Variants in MTM1 observed in about 807,000 individuals in gnomAD.
The protein encoded by MTM1 is myotubularin 1, also known as myotubularin.
A neutral mutation model predicts 52.1 loss-of-function variants in MTM1; 9 were observed. That is an observed-to-expected ratio of 0.17 (90% CI 0.10 to 0.30). The LOEUF is 0.30. Ranked by LOEUF, MTM1 falls within the 10% of genes least tolerant of loss-of-function variation. The pLI is 1.00. For synonymous variants in MTM1, 136 were observed against 163.8 expected (o/e 0.83, Z 1.29); for missense variants, 277 against 470.7 (o/e 0.59, Z 3.81).
intron 6 of MTM1, among the ~76,000 whole-genome samples, chrX:150,622,036 C>G (rs934467340): frequency 9.0e-6 from 1 of 111,007 alleles, no homozygotes; most frequent in African/African-American, 3.3e-5. Context: ...CTGAGTATTA[C>G]AAATCTAACA....
At chrX:150,651,077 A>G (rs782239330) in intron 10 of MTM1, among the ~76,000 whole-genome samples, 2 of 112,128 alleles carry the variant, frequency 1.8e-5, no homozygotes, top group South Asian at 7.5e-4. Flanking sequence ...TTTGCTATAC[A>G]TTATGTCTCT....
intron 7 of MTM1, among the ~76,000 whole-genome samples, chrX:150,640,610 T>C (rs2039831965): frequency 8.9e-6 from 1 of 111,925 alleles, no homozygotes; most frequent in Non-Finnish European, 1.9e-5. Context: ...GGGAGGTGTC[T>C]TCTGTGTCTC....
chrX:150,600,764 A>T (rs2039054560), intron 4 of MTM1, among the ~76,000 whole-genome samples: 1 of 112,118 alleles, frequency 8.9e-6, no homozygotes. Flanking sequence ...ATTTTATGCT[A>T]ATATATGTGA....
chrX:150,660,429 A>G lies in MTM1; in HGVS notation c.1412A>G (p.Tyr471Cys), dbSNP rs1557414644. The G allele has an allele frequency of 8.3e-7, 1 of 1,204,075 alleles. No homozygotes were observed. The highest frequency in any genetic ancestry group is 2.2e-5 in the Admixed American group (1 of 46,021). ...TTGATTATAATTTTGGATCATCTGTATAGTTGCCGATTTGGTACTTTCTTA... is the reference window on the plus strand; with the variant it reads ...TTGATTATAATTTTGGATCATCTGTGTAGTTGCCGATTTGGTACTTTCTTA... ...QFLIIILDHL[Y>C]SCRFGTFLFN... Residue 471 changes from tyrosine to cysteine, a missense_variant, in exon 13 of 15, where the codon TAT (tyrosine) becomes TGT (cysteine). By Grantham distance (194) the Tyr-to-Cys change is radical. Coordinates refer to ENST00000370396, the MANE Select transcript of MTM1 (RefSeq NM_000252.3).
chrX:150,638,093 G>C (rs1557413737), intron 6 of MTM1, among the ~76,000 whole-genome samples: 1 of 112,297 alleles, frequency 8.9e-6, no homozygotes, highest in Non-Finnish European at 1.9e-5. Context: ...TAGCCACGTG[G>C]TGACAAAGAT....
chrX:150,646,462 C>T (rs1249025977), intron 9 of MTM1, among the ~76,000 whole-genome samples: 1 of 112,874 alleles, frequency 8.9e-6, no homozygotes, highest in Non-Finnish European at 1.9e-5. Context: ...TGATTAGGGT[C>T]ATCATGAACA....
intron 9 of MTM1, among the ~76,000 whole-genome samples, chrX:150,647,518 G>A (rs1366695620): frequency 1.8e-5 from 2 of 111,219 alleles, no homozygotes; most frequent in African/African-American, 6.6e-5. Context: ...GTGTCTCTCC[G>A]CTAGTCGCTA....
chrX:150,610,722 G>A (rs1455370996), intron 4 of MTM1, among the ~76,000 whole-genome samples: 2 of 111,678 alleles, frequency 1.8e-5, no homozygotes, highest in Non-Finnish European at 3.8e-5. Flanking sequence ...GAAGCTGGCT[G>A]GTTCTCCTCA....
At chrX:150,589,062 G>A (rs1557412376) in intron 1 of MTM1, among the ~76,000 whole-genome samples, 2 of 111,878 alleles carry the variant, frequency 1.8e-5, no homozygotes, top group African/African-American at 6.5e-5. Flanking sequence ...GGGCTTAGAG[G>A]CCCCAAAGGT....
intron 6 of MTM1, among the ~76,000 whole-genome samples, chrX:150,627,188 G>A (rs966491088): frequency 9.8e-5 from 11 of 111,857 alleles, no homozygotes; most frequent in Non-Finnish European, 1.7e-4. Flanking sequence ...GAAAATGACC[G>A]AAGACCCTAC....
chrX:150,582,307 CTAGT>C (rs1403165910), intron 1 of MTM1, among the ~76,000 whole-genome samples: 6 of 112,013 alleles, frequency 5.4e-5, no homozygotes, highest in Non-Finnish European at 9.4e-5. Context: ...TATTTCAGTA[CTAGT>C]TAATTTCATA....
intron 11 of MTM1, 26 bp from the exon 12 acceptor site, chrX:150,659,638 C>A (rs782483603): frequency 2.2e-5 from 25 of 1,160,696 alleles, no homozygotes; most frequent in Non-Finnish European, 2.8e-5. Flanking sequence ...TTAATTAAAA[C>A]AAATTATCTT....
Position 150,671,611 on chromosome X carries a change from C to T in MTM1, c.*16C>T. On this transcript the variant is annotated 3_prime_UTR_variant, in exon 15 of 15. Transcript: ENST00000370396. ...TCACTTCTGAGGGGGGACCCTGGCA[C>T]CGCATTAGAGCTCGAAATAAAGGCG... 1.7e-6 allele frequency: 2 copies of T among 1,208,988 alleles called. No individual in the cohort carries two copies. Among genetic ancestry groups the T allele is most frequent in the Non-Finnish European group, 1.1e-6 (1 of 893,503 alleles).
At chrX:150,580,028 A>G (rs1283700789) in intron 1 of MTM1, among the ~76,000 whole-genome samples, 2 of 111,194 alleles carry the variant, frequency 1.8e-5, no homozygotes, top group Non-Finnish European at 3.8e-5. Flanking sequence ...TAGAAGCTCT[A>G]AAAGATGTTA....
chrX:150,586,072 G>A (rs1274389387), intron 1 of MTM1, among the ~76,000 whole-genome samples: 1 of 112,140 alleles, frequency 8.9e-6, no homozygotes, highest in Admixed American at 9.5e-5. Context: ...AACATTTAAA[G>A]AAATAGGGGT....
intron 3 of MTM1, among the ~76,000 whole-genome samples, 161 bp from the exon 4 acceptor site, chrX:150,598,431 C>T (rs1050897093): frequency 8.9e-6 from 1 of 112,384 alleles, no homozygotes; most frequent in Non-Finnish European, 1.9e-5. Context: ...CAACCCAGCA[C>T]GGTAATGTAG....
chrX:150,649,667 ATGAAATAGAAAACTCAACTGAT>A (rs2039987505), intron 9 of MTM1, 27 bp from the exon 10 acceptor site: 1 of 1,084,496 alleles, frequency 9.2e-7, no homozygotes, highest in Admixed American at 2.2e-5. Flanking sequence ...TAAGTTTCTG[ATGAAATAGAAAACTCAACTGAT>A]TGTTTGTATT....
intron 5 of MTM1, among the ~76,000 whole-genome samples, chrX:150,615,893 A>G (rs782548362): frequency 7.7e-4 from 86 of 111,413 alleles, no homozygotes; most frequent in Non-Finnish European, 1.1e-3. Context: ...TGCTTTATCT[A>G]TTATCCCAGC....
At chrX:150,602,274 A>G (rs2039080738) in intron 4 of MTM1, among the ~76,000 whole-genome samples, 1 of 112,500 alleles carries the variant, frequency 8.9e-6, no homozygotes, top group African/African-American at 3.2e-5. Flanking sequence ...TTGTCTGTCT[A>G]TTCACTGATG....
Sources: gnomAD v4.1 joint callset for allele counts (sites outside exome capture counted in the v4.1 genomes callset) on GRCh38, gnomAD v4.1.1 for gene constraint, MANE v1.5 for transcripts, NCBI Gene and HGNC (gene_info 2026-07-23, HGNC 2026-07-21) for gene names.